PMPCB: variants seen among roughly 807,000 people sequenced by gnomAD.
PMPCB encodes mitochondrial-processing peptidase subunit beta.
Under a neutral mutation model 61.5 loss-of-function variants are expected in PMPCB, and 46 were observed. The observed-to-expected ratio is 0.75, with a 90% CI of 0.59 to 0.96. PMPCB has a LOEUF of 0.96. PMPCB is among the 40% of genes least tolerant of loss of function. The pLI is 0.00. For synonymous variants in PMPCB, 191 were observed against 201.6 expected, an observed-to-expected ratio of 0.95 and a Z score of 0.44; for missense variants, 590 against 602.4, an observed-to-expected ratio of 0.98 and a Z score of 0.22.
At chr7:103,307,868 ATTCT>A (rs1817630588) in intron 7 of PMPCB, among the ~76,000 whole-genome samples, 160 bp downstream of exon 7, 2 of 152,198 alleles carry the variant, frequency 1.3e-5, no homozygotes, top group African/African-American at 2.4e-5. Context: ...CCTCTTCCGT[ATTCT>A]TTAACCACCT....
intron 12 of PMPCB, among the ~76,000 whole-genome samples, chr7:103,326,386 G>T (rs1818707541): frequency 1.3e-5 from 2 of 152,322 alleles, no homozygotes; most frequent in Non-Finnish European, 1.5e-5. Context: ...AAGTTCACCA[G>T]AAGGGCTGAA....
At chr7:103,328,784 G>A in intron 12 of PMPCB, 1 of 279,656 alleles carries the variant, frequency 3.6e-6, no homozygotes, top group South Asian at 3.3e-5. Flanking sequence ...GCTTAATACA[G>A]TATTTCAAGT....
downstream of PMPCB, among the ~76,000 whole-genome samples, chr7:103,334,103 A>T (rs1252863590): frequency 2.0e-5 from 3 of 152,044 alleles, no homozygotes; most frequent in African/African-American, 7.2e-5. Context: ...GGTACCCGCC[A>T]CCACGCCCAG....
At chr7:103,317,652 C>T (rs1343366553), downstream of PMPCB, among the ~76,000 whole-genome samples, 2 of 151,864 alleles carry the variant, frequency 1.3e-5, no homozygotes, top group Non-Finnish European at 2.9e-5. Context: ...GGTTCTTTTT[C>T]TTTCTTTCTT....
At chr7:103,321,946 G>A in intron 12 of PMPCB, 4 of 1,613,126 alleles carry the variant, frequency 2.5e-6, no homozygotes, top group Non-Finnish European at 1.7e-6. Context: ...CATGAGTTTC[G>A]AAGTTTTTGC....
At chr7:103,300,976 G>T (rs1294604099) in intron 4 of PMPCB, among the ~76,000 whole-genome samples, 2 of 152,240 alleles carry the variant, frequency 1.3e-5, no homozygotes, top group Non-Finnish European at 1.5e-5. Context: ...GAGCCACTGT[G>T]CACGGCCATT....
intron 4 of PMPCB, among the ~76,000 whole-genome samples, chr7:103,301,821 CT>C (rs1258709144): frequency 9.9e-5 from 15 of 151,828 alleles, no homozygotes; most frequent in Admixed American, 3.3e-4. Flanking sequence ...TATTATTATA[CT>C]TTAAGTTCTA....
chr7:103,344,733 A>C, the PMPCB span: 1 of 1,145,376 alleles, frequency 8.7e-7, no homozygotes, highest in Non-Finnish European at 1.3e-6. Flanking sequence ...CTTGGCTCTA[A>C]GACGCCCAGG....
chr7:103,306,076 T>A (rs1393594992), intron 6 of PMPCB, among the ~76,000 whole-genome samples: 1 of 152,230 alleles, frequency 6.6e-6, no homozygotes, highest in East Asian at 1.9e-4. Context: ...AATGATTGCA[T>A]CTTAAATTCA....
downstream of PMPCB, among the ~76,000 whole-genome samples, chr7:103,318,162 TTTTTTTTTGTCTG>T (rs1303315465): frequency 6.7e-6 from 1 of 150,244 alleles, no homozygotes. Flanking sequence ...CCCATAACAT[TTTTTTTTTGTCTG>T]TTTTTTTTGA....
chr7:103,311,742 T>G lies in PMPCB; in HGVS notation c.1240+14T>G, dbSNP rs764723283. The G allele has an allele frequency of 1.9e-6, 3 of 1,610,390 alleles. No individual in the cohort carries two copies. In the South Asian group the frequency reaches 3.3e-5, roughly 18 times the overall value. ...TGCAGCTTGATGGTAAAAATAAAGA[T>G]ATAGGTTCTGTTTTCATATGGTTGA... On this transcript the variant is annotated intron_variant, in intron 10 of 12. Coordinates refer to ENST00000249269, the MANE Select transcript of PMPCB (RefSeq NM_004279.3).
At chr7:103,310,191 G>A in intron 8 of PMPCB, 124 bp from the exon 9 acceptor site, 1 of 692,428 alleles carries the variant, frequency 1.4e-6, no homozygotes, top group Non-Finnish European at 2.5e-6. Context: ...CTACTACTGA[G>A]ATGTTGAATA....
rs746540345 is a variant in PMPCB at position 103,312,641 on chromosome 7, T to C, written c.*370T>C. On this transcript the variant is annotated 3_prime_UTR_variant, in exon 13 of 13. Coordinates refer to ENST00000249269, the MANE Select transcript of PMPCB (RefSeq NM_004279.3). ...TCTTTGCTTTTACCATCTCGACAAG[T>C]TCCTAGGAAGGGAGAAAGGTGTGAT... The C allele has an allele frequency of 6.2e-7, 1 of 1,613,070 alleles. No individual in the cohort carries two copies. The highest frequency in any genetic ancestry group is 8.5e-7 in the Non-Finnish European group (1 of 1,179,708).
chr7:103,309,157 TA>T lies in PMPCB; in HGVS notation c.993+64del. 2.2e-6 allele frequency: 3 copies of T among 1,354,762 alleles called. No homozygotes were observed. In the South Asian group the frequency reaches 4.4e-5, roughly 20 times the overall value. 83.9% of individuals were successfully genotyped at this position (1,354,762 alleles called of 1,614,324 possible). On this transcript the variant is annotated intron_variant, in intron 8 of 12. Coordinates refer to ENST00000249269, the MANE Select transcript of PMPCB (RefSeq NM_004279.3). ...GAAGATTATCATGTTTTCTTAAATATAAGTTCTTTGTAAGAATCCTTTTTTA... is the reference window on the plus strand; with the variant it reads ...GAAGATTATCATGTTTTCTTAAATATAGTTCTTTGTAAGAATCCTTTTTTA...
intron 12 of PMPCB, chr7:103,327,728 G>T: frequency 6.2e-7 from 1 of 1,612,984 alleles, no homozygotes; most frequent in Non-Finnish European, 8.5e-7. Context: ...CGTTTGTCTG[G>T]GTGATGTTTT....
At chr7:103,325,907 TAA>T (rs1355509361) in intron 12 of PMPCB, among the ~76,000 whole-genome samples, 1 of 152,122 alleles carries the variant, frequency 6.6e-6, no homozygotes, top group African/African-American at 2.4e-5. Context: ...TACCGATTGA[TAA>T]AGAGGAAATC....
chr7:103,322,725 C>A (rs751894748), intron 12 of PMPCB: 1 of 1,612,056 alleles, frequency 6.2e-7, no homozygotes, highest in South Asian at 1.1e-5. Flanking sequence ...TTATTCTGTT[C>A]ATTTCTTCTT....
At chr7:103,316,897 A>G, downstream of PMPCB, 1 of 1,613,986 alleles carries the variant, frequency 6.2e-7, no homozygotes, top group South Asian at 1.1e-5. Context: ...TCTTCTGACC[A>G]ATTTTTACTT....
chr7:103,312,985 G>A lies in PMPCB; in HGVS notation c.*714G>A. On this transcript the variant is annotated 3_prime_UTR_variant, in exon 13 of 13. Transcript: ENST00000249269. ...ATGCAGTCCTTCTTTGTCCTGCCAG[G>A]CACCGCTTCTGCTATTTTTTCCCAT... 6.2e-7 allele frequency: 1 copy of A among 1,613,872 alleles called. No individual in the cohort carries two copies. The highest frequency in any genetic ancestry group is 8.5e-7 in the Non-Finnish European group (1 of 1,179,914).
Sources: gnomAD v4.1 joint callset for allele counts (sites outside exome capture counted in the v4.1 genomes callset) on GRCh38, gnomAD v4.1.1 for gene constraint, MANE v1.5 for transcripts, NCBI Gene and HGNC (gene_info 2026-07-23, HGNC 2026-07-21) for gene names.